Variants in NAE1 observed in about 807,000 individuals in gnomAD.
The protein encoded by NAE1 is NEDD8-activating enzyme E1 regulatory subunit.
NAE1 carries 59 observed loss-of-function variants against 88.0 expected under a neutral mutation model. The ratio of observed to expected loss-of-function variants is 0.67; its 90% CI spans 0.54 to 0.83. NAE1 has a LOEUF of 0.83. Among genes scored for constraint, NAE1 ranks in the 40% least tolerant of loss-of-function variants. The pLI, the probability that NAE1 is intolerant of heterozygous loss-of-function variation, is 0.00. For missense variants in NAE1, 554 were observed against 632.8 expected (o/e 0.88, Z 1.34); for synonymous variants, 186 against 208.9 (o/e 0.89, Z 0.95).
chr16:66,810,812 A>G (rs1597039756), intron 13 of NAE1, 40 bp from the exon 14 acceptor site: 1 of 1,577,332 alleles, frequency 6.3e-7, no homozygotes. Flanking sequence ...AAATTTTTAA[A>G]TTAGCAAAAT....
In NAE1 at chr16:66,805,998, ATCT is replaced by A. The variant is rs773421721; in HGVS notation, c.1356_1358del (p.Glu452del). 89 of 1,612,766 alleles carry A rather than the reference ATCT, an allele frequency of 5.5e-5. No individual in the cohort carries two copies. The highest frequency in any genetic ancestry group is 7.5e-5 in the Non-Finnish European group (88 of 1,179,646). Reference sequence around the variant, plus strand: ...TGAGACAAGACTTCAACTTTCCTATATCTTCTTCAACTTGATAGTTAGATACTC... The same window carrying A: ...TGAGACAAGACTTCAACTTTCCTATATCTTCAACTTGATAGTTAGATACTC... On this transcript the variant is annotated inframe_deletion, in exon 18 of 20. Coordinates refer to ENST00000290810, the MANE Select transcript of NAE1 (RefSeq NM_003905.4).
intron 8 of NAE1, 32 bp downstream of exon 8, chr16:66,818,496 T>C (rs1390062669): frequency 2.0e-6 from 3 of 1,537,620 alleles, no homozygotes; most frequent in South Asian, 1.2e-5. Flanking sequence ...TTTAAGTCTA[T>C]CTGTAAATGT....
At chr16:66,808,464 A>G (rs1959659869) in intron 17 of NAE1, 57 bp downstream of exon 17, 1 of 1,189,866 alleles carries the variant, frequency 8.4e-7, no homozygotes, top group Middle Eastern at 2.2e-4. Context: ...AACACTTTCA[A>G]TTTAAATGTT....
chr16:66,819,129 T>C (rs1960158981), intron 7 of NAE1, among the ~76,000 whole-genome samples: 1 of 152,206 alleles, frequency 6.6e-6, no homozygotes, highest in Non-Finnish European at 1.5e-5. Context: ...AAGTCAACTA[T>C]AAAGTTTTAG....
intron 13 of NAE1, among the ~76,000 whole-genome samples, chr16:66,812,513 CTTTTTTT>C (rs961953416): frequency 2.9e-5 from 3 of 103,648 alleles, no homozygotes; most frequent in East Asian, 2.8e-4. Flanking sequence ...CCCCTAAGTT[CTTTTTTT>C]TTTTTTTTTT....
intron 5 of NAE1, 94 bp from the exon 6 acceptor site, chr16:66,823,400 A>C: frequency 7.7e-7 from 1 of 1,305,530 alleles, no homozygotes; most frequent in Non-Finnish European, 1.1e-6. Flanking sequence ...TTTACAACAA[A>C]TGAGGCAACA....
At chr16:66,804,488 T>G (rs965431808) in intron 19 of NAE1, among the ~76,000 whole-genome samples, 1 of 152,202 alleles carries the variant, frequency 6.6e-6, no homozygotes, top group African/African-American at 2.4e-5. Flanking sequence ...AAAATAGTTT[T>G]CTTAGGTCTG....
In NAE1 at chr16:66,830,895, G is replaced by T. The variant is rs748817971; in HGVS notation, c.5C>A (p.Ala2Glu). 10 of 1,534,966 alleles carry T rather than the reference G, an allele frequency of 6.5e-6. No homozygotes were observed. Among genetic ancestry groups the T allele is most frequent in the Non-Finnish European group, 8.7e-6 (10 of 1,149,842 alleles). Residue 2 changes from alanine to glutamate, a missense_variant, in exon 1 of 20, where the codon GCG becomes GAG. Coordinates refer to ENST00000290810, the MANE Select transcript of NAE1 (RefSeq NM_003905.4). Reference sequence around the variant, plus strand: ...CTCCTTGAGCAGCTTTCCCAGCTGCGCCATGGCCGCGCCTGCCGCGCGGAA... The same window carrying T: ...CTCCTTGAGCAGCTTTCCCAGCTGCTCCATGGCCGCGCCTGCCGCGCGGAA... M[A>E]QLGKLLKEQK...
At position 66,821,441 on chromosome 16, in the gene NAE1, CAAT is replaced by C; in HGVS notation, c.511+6_511+8del. ...ACCAATAGTAAGCCCATATGCTCAA[CAAT>C]TTTACCTGGATGTTCTTTTATAATG... On this transcript the variant is annotated splice_donor_region_variant and intron_variant, in intron 7 of 19. Coordinates refer to ENST00000290810, the MANE Select transcript of NAE1 (RefSeq NM_003905.4). 6.5e-7 allele frequency: 1 copy of C among 1,546,526 alleles called. No individual in the cohort carries two copies. The highest frequency in any genetic ancestry group is 8.7e-7 in the Non-Finnish European group (1 of 1,150,150).
At chr16:66,818,687 A>AG (rs1317965706) in intron 7 of NAE1, 50 bp from the exon 8 acceptor site, 74 of 1,538,254 alleles carry the variant, frequency 4.8e-5, no homozygotes, top group Admixed American at 1.0e-4. Flanking sequence ...AAAAAAAAAA[A>AG]AGAGAGAGAT....
Position 66,810,643 on chromosome 16 carries a change from TG to T in NAE1, c.1110+53del, listed in dbSNP as rs1959757158. The T allele has an allele frequency of 3.3e-6, 5 of 1,504,910 alleles. No individual in the cohort carries two copies. In the Admixed American group the frequency reaches 8.9e-5, roughly 27 times the overall value. 93.2% of individuals were successfully genotyped at this position (1,504,910 alleles called of 1,614,324 possible). A position where few individuals can be genotyped will look rare whatever the true frequency, so the allele number is the denominator to read the frequency against. On this transcript the variant is annotated intron_variant, in intron 14 of 19. Transcript: ENST00000290810. The stretch of plus-strand genomic sequence containing the variant: ...ACACCCTCTGTCTCTAAACCCTTTC[TG>T]GCTGGAGTTACGTGCTGAGGCCTGT...
chr16:66,816,597 G>T lies in NAE1; in HGVS notation c.824C>A (p.Ala275Glu). 6.2e-7 allele frequency: 1 copy of T among 1,609,840 alleles called. No homozygotes were observed. Among genetic ancestry groups the T allele is most frequent in the Non-Finnish European group, 8.5e-7 (1 of 1,176,684 alleles). ...TTTCATTACCTGAGTTGTATTTAGT[G>T]CTGTGTTCACATTTTTAATAGCTTC... ...FEEAIKNVNT[A>E]LNTTQIPSSI... Residue 275 changes from alanine (A) to glutamate (E), a missense_variant, in exon 11 of 20, where the codon GCA becomes GAA. Coordinates refer to ENST00000290810, the MANE Select transcript of NAE1 (RefSeq NM_003905.4).
Position 66,817,001 on chromosome 16 carries a change from T to C in NAE1, c.712A>G (p.Lys238Glu). Residue 238 changes from lysine (K) to glutamate (E), a missense_variant, in exon 10 of 20, where the codon AAA becomes GAA. Physicochemically the swap from Lys to Glu is moderately conservative, Grantham distance 56. Coordinates refer to ENST00000290810, the MANE Select transcript of NAE1 (RefSeq NM_003905.4). ...ETNGRIPKTY[K>E]EKEDFRDLIR... ...AAATCTCTGAAGTCCTCTTTTTCTTTATACGTTTTAGGTATTCGTCCATTT... is the reference window on the plus strand; with the variant it reads ...AAATCTCTGAAGTCCTCTTTTTCTTCATACGTTTTAGGTATTCGTCCATTT... The C allele has an allele frequency of 6.2e-7, 1 of 1,600,690 alleles. No homozygotes were observed. The highest frequency in any genetic ancestry group is 8.5e-7 in the Non-Finnish European group (1 of 1,176,622).
intron 3 of NAE1, 91 bp downstream of exon 3, chr16:66,826,432 G>A: frequency 2.5e-6 from 3 of 1,194,684 alleles, no homozygotes; most frequent in Non-Finnish European, 3.7e-6. Flanking sequence ...GATTTCCACT[G>A]AGAGTCGAGT....
At chr16:66,813,488 C>G (rs2145325115) in intron 13 of NAE1, 76 bp downstream of exon 13, 1 of 1,476,642 alleles carries the variant, frequency 6.8e-7, no homozygotes, top group Non-Finnish European at 9.2e-7. Flanking sequence ...CATTTGATTT[C>G]TGACAGGATG....
chr16:66,810,720 T>C lies in NAE1; in HGVS notation c.1087A>G (p.Lys363Glu), dbSNP rs1223150321. Residue 363 changes from lysine (K) to glutamate (E), a missense_variant, in exon 14 of 20, where the codon AAA becomes GAA. Lys to Glu is a moderately conservative substitution (Grantham distance 56, BLOSUM62 1). Coordinates refer to ENST00000290810, the MANE Select transcript of NAE1 (RefSeq NM_003905.4). ...DAAAVGNHVA[K>E]LLQSIGQAPE... is the part of the protein sequence containing the mutation. ...ACCTGGCCAATGGACTGCAGCAATT[T>C]GGCAACATGATTACCCACAGCGGCA... The C allele has an allele frequency of 6.2e-7, 1 of 1,614,230 alleles. No homozygotes were observed. The highest frequency in any genetic ancestry group is 8.5e-7 in the Non-Finnish European group (1 of 1,180,024).
At position 66,810,401 on chromosome 16, in the gene NAE1, T is replaced by C. The variant is rs751267358; in HGVS notation, c.1123A>G (p.Ile375Val). The change falls in exon 15 of 20, where the codon ATT (isoleucine) becomes GTT (valine). Residue 375 changes from isoleucine to valine, a missense_variant. Ile to Val is a conservative substitution (Grantham distance 29). Coordinates refer to ENST00000290810, the MANE Select transcript of NAE1 (RefSeq NM_003905.4). ...AGTAATTTTAATTCTTTCTCTGAAA[T>C]GGACTCTGGTGCCTGTAAAGAGATA... ...LQSIGQAPES[I>V]SEKELKLLCS... The C allele has an allele frequency of 1.2e-6, 2 of 1,600,608 alleles. No homozygotes were observed. The highest frequency in any genetic ancestry group is 1.7e-6 in the Non-Finnish European group (2 of 1,170,642).
chr16:66,805,848 T>C (rs1959541943), intron 18 of NAE1, 22 bp from the exon 19 acceptor site: 9 of 1,570,152 alleles, frequency 5.7e-6, no homozygotes, highest in Non-Finnish European at 7.7e-6. Context: ...CACAGAGACA[T>C]GAATTTTGAT....
rs1960466526 is a variant in NAE1, at chr16:66,826,439, G to A, written c.218+84C>T. ...ATAAGGATGATTTCCACTGAGAGTCGAGTCACCCTGACTGAGGAGGTGAAG... is the reference window on the plus strand; with the variant it reads ...ATAAGGATGATTTCCACTGAGAGTCAAGTCACCCTGACTGAGGAGGTGAAG... On this transcript the variant is annotated intron_variant, in intron 3 of 19. Coordinates refer to ENST00000290810, the MANE Select transcript of NAE1 (RefSeq NM_003905.4). The A allele has an allele frequency of 7.1e-6, 9 of 1,266,876 alleles. No individual in the cohort carries two copies. The Admixed American group carries it at 9.0e-5, about 13-fold the overall frequency. 78.5% of individuals were successfully genotyped at this position (1,266,876 alleles called of 1,614,324 possible).
Sources: allele counts gnomAD v4.1 joint callset (sites outside exome capture counted in the v4.1 genomes callset), GRCh38; gene constraint gnomAD v4.1.1; transcripts MANE v1.5; gene names NCBI Gene and HGNC (gene_info 2026-07-23, HGNC 2026-07-21).